RGPD1: variants seen among roughly 807,000 people sequenced by gnomAD.
The protein encoded by RGPD1 is RANBP2-like and GRIP domain-containing protein 1.
A neutral mutation model predicts 40.6 loss-of-function variants in RGPD1; 7 were observed. The ratio of observed to expected loss-of-function variants is 0.17; its 90% CI spans 0.10 to 0.32. The LOEUF is 0.32. Ranked by LOEUF, RGPD1 falls within the 10% of genes least tolerant of loss-of-function variation. The probability of loss-of-function intolerance (pLI) is 1.00; values close to 1 mark genes in which losing one functional copy is unlikely to be tolerated. For synonymous variants in RGPD1, 24 were observed against 167.0 expected, an observed-to-expected ratio of 0.14 and a Z score of 6.60; for missense variants, 50 against 472.5, an observed-to-expected ratio of 0.11 and a Z score of 8.29.
chr2:86,924,656 A>G (rs917984594), intron 1 of RGPD1, among the ~76,000 whole-genome samples: 3 of 151,082 alleles, frequency 2.0e-5, no homozygotes, highest in African/African-American at 7.3e-5. Context: ...TGGCAGAGAC[A>G]AGGTCTTACT....
intron 1 of RGPD1, among the ~76,000 whole-genome samples, chr2:86,942,769 G>A (rs1329691730): frequency 6.6e-6 from 1 of 151,434 alleles, no homozygotes; most frequent in Non-Finnish European, 1.5e-5. Context: ...TCCCTGGCGC[G>A]CTCTGTTGAG....
chr2:86,941,428 C>A, upstream of RGPD1, among the ~76,000 whole-genome samples: 1 of 149,534 alleles, frequency 6.7e-6, no homozygotes, highest in African/African-American at 2.5e-5. Context: ...CACTCTGGTG[C>A]CCAGGATGGA....
chr2:86,926,039 T>C (rs1393806030), intron 1 of RGPD1, among the ~76,000 whole-genome samples: 19 of 152,368 alleles, frequency 1.2e-4, no homozygotes, highest in Non-Finnish European at 2.5e-4. Flanking sequence ...CTTGTGGCTA[T>C]GTAGAATGTA....
At chr2:86,914,283 GGGCGGCGGCGGCGGC>G (rs533309212) in intron 1 of RGPD1, among the ~76,000 whole-genome samples, 3 of 10,228 alleles carry the variant, frequency 2.9e-4, no homozygotes, top group Non-Finnish European at 5.0e-4. Flanking sequence ...GGCCTCGGCC[GGGCGGCGGCGGCGGC>G]GGCGGCGGCG....
At position 86,945,367 on chromosome 2, in the gene RGPD1, C is replaced by T. The variant is rs369935283; in HGVS notation, c.72+3059C>T. On this transcript the variant is annotated intron_variant, in intron 1 of 22. Transcript: ENST00000641458. The stretch of plus-strand genomic sequence containing the variant: ...GTAAAGTTAGGTTTGAGTGAAATGA[C>T]AAAACAGGGTGCTTTGGATAGAAGG... Among the ~76,000 whole-genome samples, 579 of 152,044 alleles carry T rather than the reference C, an allele frequency of 3.8e-3. 4 individuals are homozygous for T. The highest frequency in any genetic ancestry group is 0.013 in the African/African-American group (533 of 41,462).
intron 1 of RGPD1, 64 bp downstream of exon 1, chr2:86,942,372 G>GCGGCCTCGACCTGGCGGA (rs1679878135): frequency 6.9e-7 from 1 of 1,445,354 alleles, no homozygotes; most frequent in Non-Finnish European, 9.2e-7. Context: ...GACCTGGCCG[G>GCGGCCTCGACCTGGCGGA]GCGGCGGCCT....
chr2:86,988,441 C>CA (rs1174110236), intron 20 of RGPD1, among the ~76,000 whole-genome samples: 2,895 of 33,070 alleles, frequency 0.088, 233 homozygotes, highest in Non-Finnish European at 0.11. Context: ...ACTTTGTCTC[C>CA]AAAAAAAAAA....
At chr2:86,929,719 C>A (rs1243773392) in intron 1 of RGPD1, among the ~76,000 whole-genome samples, 1 of 83,038 alleles carries the variant, frequency 1.2e-5, no homozygotes, top group Non-Finnish European at 2.3e-5. Flanking sequence ...TTTTTTTTAG[C>A]TGGTTCACGT....
chr2:86,942,466 C>CCGGCCTCCACCTGGCCGGGCGGCGGCGG, intron 1 of RGPD1, among the ~76,000 whole-genome samples, 158 bp downstream of exon 1: 1 of 53,648 alleles, frequency 1.9e-5, no homozygotes, highest in Non-Finnish European at 4.5e-5. Context: ...TGTTGAGGCG[C>CCGGCCTCCACCTGGCCGGGCGGCGGCGG]CGGCCTCGAC....
At chr2:86,945,725 A>G (rs1210460721) in intron 1 of RGPD1, among the ~76,000 whole-genome samples, 1 of 150,694 alleles carries the variant, frequency 6.6e-6, no homozygotes, top group Non-Finnish European at 1.5e-5. Flanking sequence ...TAAAAATACA[A>G]AAATGAGCCG....
chr2:86,931,484 TG>T (rs1479042813), intron 1 of RGPD1, among the ~76,000 whole-genome samples: 1 of 151,714 alleles, frequency 6.6e-6, no homozygotes, highest in African/African-American at 2.4e-5. Flanking sequence ...ATTTGACTGC[TG>T]CTGATGTGTA....
intron 1 of RGPD1, among the ~76,000 whole-genome samples, chr2:86,928,546 A>G (rs894172875): frequency 2.6e-5 from 4 of 152,154 alleles, no homozygotes; most frequent in African/African-American, 9.7e-5. Flanking sequence ...GTGGTAATTT[A>G]GGTAACAGAT....
intron 1 of RGPD1, among the ~76,000 whole-genome samples, chr2:86,928,858 T>C (rs902820220): frequency 2.0e-5 from 3 of 151,576 alleles, no homozygotes; most frequent in Non-Finnish European, 4.4e-5. Context: ...TGTCAAGAGG[T>C]ATGGAGAAGA....
chr2:86,943,453 C>T (rs1027228088), intron 1 of RGPD1, among the ~76,000 whole-genome samples: 2 of 152,030 alleles, frequency 1.3e-5, no homozygotes, highest in Admixed American at 6.6e-5. Flanking sequence ...TTCAATAAGA[C>T]TTTAGTAATT....
chr2:86,942,621 G>A (rs1046719678), intron 1 of RGPD1, among the ~76,000 whole-genome samples: 3 of 135,308 alleles, frequency 2.2e-5, no homozygotes, highest in Non-Finnish European at 4.9e-5. Context: ...GCTGCTCCCT[G>A]GCGCGCTCTG....
intron 1 of RGPD1, among the ~76,000 whole-genome samples, chr2:86,943,077 G>A (rs1420890454): frequency 6.6e-6 from 1 of 151,454 alleles, no homozygotes; most frequent in Non-Finnish European, 1.5e-5. Flanking sequence ...CCTTGGCCTG[G>A]AGGAACCCAG....
chr2:86,925,893 T>A (rs1269727764), intron 1 of RGPD1, among the ~76,000 whole-genome samples: 1 of 152,190 alleles, frequency 6.6e-6, no homozygotes, highest in African/African-American at 2.4e-5. Flanking sequence ...ATAGTGACCA[T>A]TTTGCACAAG....
intron 1 of RGPD1, chr2:86,930,860 G>A: frequency 1.5e-6 from 1 of 669,132 alleles, no homozygotes; most frequent in Non-Finnish European, 2.4e-6. Flanking sequence ...GCCCATCTTC[G>A]CTGAGGCCAC....
chr2:86,956,740 A>G (rs1214449579), intron 4 of RGPD1, among the ~76,000 whole-genome samples: 1 of 89,586 alleles, frequency 1.1e-5, no homozygotes, highest in African/African-American at 8.4e-5. Context: ...AAGGGATTAT[A>G]GCATTTTTTG....
Sources: allele counts gnomAD v4.1 joint callset (sites outside exome capture counted in the v4.1 genomes callset), GRCh38; gene constraint gnomAD v4.1.1; transcripts MANE v1.5; gene names NCBI Gene and HGNC (gene_info 2026-07-23, HGNC 2026-07-21).